Variants in SH3GL2 observed in about 807,000 individuals in gnomAD.
SH3GL2 encodes the protein endophilin-A1.
A neutral mutation model predicts 46.0 loss-of-function variants in SH3GL2; 24 were observed. The observed-to-expected ratio is 0.52, with a 90% CI of 0.38 to 0.73. The LOEUF is 0.73. SH3GL2 is among the 30% of genes least tolerant of loss of function. The pLI, the probability that SH3GL2 is intolerant of heterozygous loss-of-function variation, is 0.00. For missense variants in SH3GL2, 413 were observed against 424.2 expected, an observed-to-expected ratio of 0.97 and a Z score of 0.23; for synonymous variants, 196 against 147.1, an observed-to-expected ratio of 1.33 and a Z score of -2.40.
At chr9:17,671,412 T>G (rs1820471100) in intron 1 of SH3GL2, among the ~76,000 whole-genome samples, 1 of 152,096 alleles carries the variant, frequency 6.6e-6, no homozygotes, top group African/African-American at 2.4e-5. Flanking sequence ...GGGAAGGTTA[T>G]GAGGCGATAA....
chr9:17,795,161 T>C (rs1195422591), intron 8 of SH3GL2, among the ~76,000 whole-genome samples: 1 of 152,238 alleles, frequency 6.6e-6, no homozygotes, highest in Non-Finnish European at 1.5e-5. Context: ...CTTGCCATGC[T>C]GTGTTATTAA....
chr9:17,726,550 T>G (rs1166156084), intron 1 of SH3GL2, among the ~76,000 whole-genome samples: 2 of 151,990 alleles, frequency 1.3e-5, no homozygotes, highest in Non-Finnish European at 2.9e-5. Flanking sequence ...CTCGAATGTT[T>G]AAAAATAGAA....
intron 1 of SH3GL2, among the ~76,000 whole-genome samples, chr9:17,690,460 A>G (rs993471310): frequency 6.6e-6 from 1 of 151,986 alleles, no homozygotes; most frequent in Non-Finnish European, 1.5e-5. Flanking sequence ...TGTCCTCTTT[A>G]GACTTGACAA....
chr9:17,645,387 C>G (rs572356324), intron 1 of SH3GL2, among the ~76,000 whole-genome samples: 52 of 151,942 alleles, frequency 3.4e-4, no homozygotes, highest in African/African-American at 1.1e-3. Context: ...GGTTAATATT[C>G]TTATGTGTGA....
chr9:17,584,362 G>A (rs1270935961), intron 1 of SH3GL2, among the ~76,000 whole-genome samples: 1 of 152,148 alleles, frequency 6.6e-6, no homozygotes, highest in East Asian at 1.9e-4. Flanking sequence ...GATTAGCTGG[G>A]CGAGGTGGCA....
chr9:17,752,226 C>T lies in SH3GL2; in HGVS notation c.114+5092C>T, dbSNP rs144285376. Among the ~76,000 whole-genome samples, 610 of 152,166 alleles carry T rather than the reference C, an allele frequency of 4.0e-3. 2 individuals carry two copies. Among genetic ancestry groups the T allele is most frequent in the African/African-American group, 0.014 (586 of 41,512 alleles). ...ATCACTCTTGGACCTGCCTGTATCT[C>T]GCTGCCAGACAGACCTTCCCAGGAC... On this transcript the variant is annotated intron_variant, in intron 2 of 8. Transcript: ENST00000380607.
chr9:17,670,375 C>A (rs2117956915), intron 1 of SH3GL2, among the ~76,000 whole-genome samples: 1 of 152,328 alleles, frequency 6.6e-6, no homozygotes, highest in Middle Eastern at 3.4e-3. Context: ...TGTGCCCTCA[C>A]TATCTGCCTC....
chr9:17,752,528 C>G (rs1026732901), intron 2 of SH3GL2, among the ~76,000 whole-genome samples: 1 of 151,630 alleles, frequency 6.6e-6, no homozygotes, highest in South Asian at 2.1e-4. Flanking sequence ...ATTGAGGTCT[C>G]ACTCTATTGT....
intron 1 of SH3GL2, among the ~76,000 whole-genome samples, chr9:17,715,360 A>T (rs959102166): frequency 1.3e-5 from 2 of 151,146 alleles, no homozygotes; most frequent in Non-Finnish European, 3.0e-5. Flanking sequence ...TTGTTGTTTT[A>T]CTGAAGTTTG....
intron 1 of SH3GL2, among the ~76,000 whole-genome samples, chr9:17,621,330 C>T (rs915610307): frequency 6.6e-6 from 1 of 152,200 alleles, no homozygotes; most frequent in African/African-American, 2.4e-5. Context: ...AAATTAACTT[C>T]TAGAAAGACT....
intron 1 of SH3GL2, among the ~76,000 whole-genome samples, chr9:17,700,873 A>G (rs11795147): frequency 0.08 from 12,179 of 152,242 alleles, 640 homozygotes; most frequent in Admixed American, 0.14. Flanking sequence ...AAAAACTGCA[A>G]TTATGTTTGC....
chr9:17,780,560 A>G (rs1823777729), intron 3 of SH3GL2, among the ~76,000 whole-genome samples: 3 of 139,330 alleles, frequency 2.2e-5, no homozygotes, highest in Non-Finnish European at 3.1e-5. Flanking sequence ...TACATGTGCC[A>G]TGCTGGTGCG....
intron 1 of SH3GL2, among the ~76,000 whole-genome samples, chr9:17,679,394 A>T (rs911634067): frequency 6.6e-6 from 1 of 152,146 alleles, no homozygotes; most frequent in Middle Eastern, 3.2e-3. Context: ...CTTTGAAGCA[A>T]CTTTGAATGG....
chr9:17,767,254 C>T (rs902572077), intron 3 of SH3GL2, among the ~76,000 whole-genome samples: 9 of 152,160 alleles, frequency 5.9e-5, no homozygotes, highest in East Asian at 3.9e-4. Flanking sequence ...TGGGGTCATT[C>T]GATGTCTATT....
chr9:17,705,424 A>G (rs535166182), intron 1 of SH3GL2, among the ~76,000 whole-genome samples: 3 of 152,206 alleles, frequency 2.0e-5, no homozygotes, highest in East Asian at 3.9e-4. Context: ...TCATTCTACC[A>G]TAAAGGCACA....
rs541297604 is a variant in SH3GL2, at chr9:17,734,336, A to C, written c.46-12730A>C. Among the ~76,000 whole-genome samples the C allele has an allele frequency of 3.3e-5, 5 of 152,258 alleles. No individual in the cohort carries two copies. The East Asian group carries it at 9.7e-4, about 30-fold the overall frequency. Reference sequence around the variant, plus strand: ...ATGTGATGTCACCTTGTTCTTAGGTAACAGGACAAATATTGATGCTCATAG... The same window carrying C: ...ATGTGATGTCACCTTGTTCTTAGGTCACAGGACAAATATTGATGCTCATAG... On this transcript the variant is annotated intron_variant, in intron 1 of 8. Coordinates refer to ENST00000380607, the MANE Select transcript of SH3GL2 (RefSeq NM_003026.5).
intron 1 of SH3GL2, among the ~76,000 whole-genome samples, chr9:17,670,275 T>A (rs1367382525): frequency 3.3e-5 from 5 of 152,192 alleles, no homozygotes; most frequent in African/African-American, 7.2e-5. Flanking sequence ...TATCTATGTT[T>A]GCAGTCTGAT....
At chr9:17,729,732 G>T (rs187484333) in intron 1 of SH3GL2, among the ~76,000 whole-genome samples, 3 of 152,120 alleles carry the variant, frequency 2.0e-5, no homozygotes, top group South Asian at 2.1e-4. Flanking sequence ...TTTCCCCATT[G>T]CTTGTTTTTG....
chr9:17,789,596 C>G, intron 6 of SH3GL2, 46 bp downstream of exon 6: 1 of 1,607,046 alleles, frequency 6.2e-7, no homozygotes, highest in Non-Finnish European at 8.5e-7. Flanking sequence ...CATCGAGGCA[C>G]AACATTAATA....
Sources: gnomAD v4.1 joint callset for allele counts (sites outside exome capture counted in the v4.1 genomes callset) on GRCh38, gnomAD v4.1.1 for gene constraint, MANE v1.5 for transcripts, NCBI Gene and HGNC (gene_info 2026-07-23, HGNC 2026-07-21) for gene names.